Variants in DYM observed in about 807,000 individuals in gnomAD.
DYM encodes dymeclin.
DYM carries 78 observed loss-of-function variants against 93.1 expected under a neutral mutation model. The observed-to-expected ratio is 0.84, with a 90% CI of 0.70 to 1.01. The LOEUF is 1.01. DYM is among the 50% of genes least tolerant of loss of function. The pLI is 0.00. For synonymous variants in DYM, 321 were observed against 319.7 expected (o/e 1.00, Z -0.04); for missense variants, 789 against 845.0 (o/e 0.93, Z 0.82).
At chr18:49,126,373 T>G (rs1013799533) in intron 15 of DYM, 3 of 152,246 alleles carry the variant, frequency 2.0e-5, no homozygotes, top group African/African-American at 7.2e-5. Context: ...TAAGGAAAAC[T>G]ATCTCAACAA....
chr18:49,441,857 A>G (rs7245027), intron 1 of DYM, among the ~76,000 whole-genome samples: 103,720 of 151,918 alleles, frequency 0.68, 36,514 homozygotes, highest in East Asian at 0.99. Context: ...TCCCCAGGAA[A>G]AGACTATTAT....
At chr18:49,220,196 A>C (rs921566817) in intron 13 of DYM, among the ~76,000 whole-genome samples, 1 of 152,130 alleles carries the variant, frequency 6.6e-6, no homozygotes, top group African/African-American at 2.4e-5. Context: ...CCAACTTACA[A>C]GGGACATGAA....
At chr18:49,354,586 T>G (rs1222469052) in intron 6 of DYM, among the ~76,000 whole-genome samples, 1 of 151,812 alleles carries the variant, frequency 6.6e-6, no homozygotes, top group Admixed American at 6.6e-5. Flanking sequence ...CTCTCAAAAC[T>G]CAGCAAGAAC....
chr18:49,151,473 AT>A (rs2085809011), intron 15 of DYM, among the ~76,000 whole-genome samples: 1 of 152,202 alleles, frequency 6.6e-6, no homozygotes, highest in Non-Finnish European at 1.5e-5. Flanking sequence ...TTTATAAAAC[AT>A]TTGTAGCTTT....
At position 49,067,426 on chromosome 18, in the gene DYM, A is replaced by AGGG. The variant is rs1568366399; in HGVS notation, c.2026-23223_2026-23222insCCC. On this transcript the variant is annotated intron_variant, in intron 17 of 17. Coordinates refer to ENST00000675505, the MANE Select transcript of DYM (RefSeq NM_001353214.3). ...GATGTGAGTGTTATGGAGGTTCAGT[A>AGGG]GAGGAAGGAGTAGGGTGATGTGAGC... Among the ~76,000 whole-genome samples the AGGG allele has an allele frequency of 1.1e-4, 17 of 149,126 alleles. 1 individual carries two copies. Among genetic ancestry groups the AGGG allele is most frequent in the Non-Finnish European group, 1.8e-4 (12 of 67,510 alleles).
intron 10 of DYM, among the ~76,000 whole-genome samples, chr18:49,276,547 G>A (rs1052668289): frequency 6.6e-6 from 1 of 152,112 alleles, no homozygotes. Flanking sequence ...ATTTCAAGGA[G>A]AAGTATTCTA....
intron 14 of DYM, among the ~76,000 whole-genome samples, chr18:49,187,630 A>G (rs1260277059): frequency 6.6e-6 from 1 of 152,226 alleles, no homozygotes; most frequent in Admixed American, 6.5e-5. Context: ...GGATGATAAT[A>G]TATCTAAAAA....
At chr18:49,224,199 T>C (rs904947726) in intron 13 of DYM, among the ~76,000 whole-genome samples, 2 of 152,036 alleles carry the variant, frequency 1.3e-5, no homozygotes, top group African/African-American at 2.4e-5. Context: ...AATGGTGGTG[T>C]CATTCAATGA....
At chr18:49,216,090 C>T (rs182865959) in intron 13 of DYM, among the ~76,000 whole-genome samples, 191 of 152,312 alleles carry the variant, frequency 1.3e-3, no homozygotes, top group African/African-American at 4.3e-3. Context: ...CGGTGCACCA[C>T]GAGATTATAT....
chr18:49,286,337 A>G (rs1279500228), intron 9 of DYM, 97 bp downstream of exon 9: 1 of 1,371,296 alleles, frequency 7.3e-7, no homozygotes, highest in Admixed American at 1.7e-5. Context: ...AAAACATACA[A>G]TGGACACTCA....
chr18:49,062,525 A>G (rs2076065714), intron 17 of DYM, among the ~76,000 whole-genome samples: 1 of 152,220 alleles, frequency 6.6e-6, no homozygotes, highest in African/African-American at 2.4e-5. Context: ...AGGGAAAACC[A>G]CGAGCCCTTA....
In DYM at chr18:49,340,616, A is replaced by T. The variant is rs372522426; in HGVS notation, c.495-6763T>A. 1.3e-4 allele frequency among the ~76,000 whole-genome samples: 20 copies of T among 152,312 alleles called. No homozygotes were observed. In the South Asian group the frequency reaches 4.1e-3, roughly 32 times the overall value. On this transcript the variant is annotated intron_variant, in intron 6 of 17. Transcript: ENST00000675505. Reference sequence around the variant, plus strand: ...GTGACACATAGCCAAATTCAACCCTATGTCTGATGAGTCTAAAACCAGGGC... The same window carrying T: ...GTGACACATAGCCAAATTCAACCCTTTGTCTGATGAGTCTAAAACCAGGGC...
At chr18:49,442,875 T>C (rs76006280) in intron 1 of DYM, among the ~76,000 whole-genome samples, 7 of 151,938 alleles carry the variant, frequency 4.6e-5, no homozygotes, top group East Asian at 3.9e-4. Context: ...TTTTTTTTTT[T>C]CAGACAGGGT....
chr18:49,206,423 A>G (rs2092506569), intron 14 of DYM: 1 of 152,224 alleles, frequency 6.6e-6, no homozygotes, highest in South Asian at 2.1e-4. Flanking sequence ...CCATTCAGAT[A>G]TTTGGCTTGG....
At chr18:49,292,377 C>G (rs1400338148) in intron 8 of DYM, among the ~76,000 whole-genome samples, 2 of 150,562 alleles carry the variant, frequency 1.3e-5, no homozygotes, top group East Asian at 3.9e-4. Flanking sequence ...CACACACACA[C>G]ACACACACAC....
intron 2 of DYM, among the ~76,000 whole-genome samples, chr18:49,426,396 T>C (rs1600163577): frequency 1.3e-5 from 1 of 78,904 alleles, no homozygotes; most frequent in Admixed American, 2.1e-4. Context: ...GGGCCTGTTG[T>C]GGGGTGGGGG....
At chr18:49,369,862 G>A (rs775786162) in intron 5 of DYM, among the ~76,000 whole-genome samples, 14 of 152,184 alleles carry the variant, frequency 9.2e-5, no homozygotes, top group Non-Finnish European at 2.1e-4. Flanking sequence ...GTACTCACAG[G>A]TCATACAGTG....
intron 2 of DYM, among the ~76,000 whole-genome samples, chr18:49,405,926 A>G (rs2148116664): frequency 6.6e-6 from 1 of 152,204 alleles, no homozygotes; most frequent in Non-Finnish European, 1.5e-5. Flanking sequence ...TGTTCTCCTT[A>G]TAGAGATCTT....
At chr18:49,073,727 G>A (rs756382450) in intron 17 of DYM, among the ~76,000 whole-genome samples, 4 of 152,124 alleles carry the variant, frequency 2.6e-5, no homozygotes, top group Non-Finnish European at 5.9e-5. Context: ...TAATAACCAC[G>A]TCTAAAACAA....
Sources: gnomAD v4.1 joint callset for allele counts (sites outside exome capture counted in the v4.1 genomes callset) on GRCh38, gnomAD v4.1.1 for gene constraint, MANE v1.5 for transcripts, NCBI Gene and HGNC (gene_info 2026-07-23, HGNC 2026-07-21) for gene names.